Variants in SNX14 observed in about 807,000 individuals in gnomAD.
SNX14 encodes sorting nexin-14.
Under a neutral mutation model 133.8 loss-of-function variants are expected in SNX14, and 93 were observed. That is an observed-to-expected ratio of 0.70 (90% CI 0.59 to 0.83). SNX14 has a LOEUF of 0.83. Among genes scored for constraint, SNX14 ranks in the 40% least tolerant of loss-of-function variants. The pLI is 0.00. For missense variants in SNX14, 945 were observed against 1,094.9 expected (o/e 0.86, Z 1.93); for synonymous variants, 368 against 365.6 (o/e 1.01, Z -0.07).
At position 85,505,827 on chromosome 6, in the gene SNX14, C is replaced by A; in HGVS notation, c.*140G>T. 1 of 640,308 alleles carries A rather than the reference C, an allele frequency of 1.6e-6. No homozygotes were observed. Among genetic ancestry groups the A allele is most frequent in the Non-Finnish European group, 2.7e-6 (1 of 366,346 alleles). 39.7% of individuals were successfully genotyped at this position (640,308 alleles called of 1,614,324 possible). On this transcript the variant is annotated 3_prime_UTR_variant, in exon 29 of 29. Coordinates refer to ENST00000314673, the MANE Select transcript of SNX14 (RefSeq NM_153816.6). ...TTTTAATCATTAAGTTTGTGTTAGT[C>A]TTTATTAAAAACAAAAAATAACTAA...
chr6:85,540,995 AC>A (rs1407183998), intron 15 of SNX14, among the ~76,000 whole-genome samples: 1 of 150,006 alleles, frequency 6.7e-6, no homozygotes, highest in Non-Finnish European at 1.5e-5. Context: ...GAGTTTCTTA[AC>A]TTTTTTTTTT....
intron 1 of SNX14, among the ~76,000 whole-genome samples, chr6:85,590,321 C>T (rs767661543): frequency 2.0e-5 from 3 of 152,196 alleles, no homozygotes; most frequent in Non-Finnish European, 4.4e-5. Context: ...CATTTCTCTT[C>T]CTTACTAATA....
intron 14 of SNX14, among the ~76,000 whole-genome samples, chr6:85,542,689 C>T (rs908146497): frequency 3.9e-5 from 6 of 152,208 alleles, no homozygotes; most frequent in East Asian, 3.8e-4. Flanking sequence ...CCACCACACC[C>T]GGCCTTTGCA....
At chr6:85,514,916 A>G (rs1774263914) in intron 23 of SNX14, among the ~76,000 whole-genome samples, 1 of 152,198 alleles carries the variant, frequency 6.6e-6, no homozygotes, top group South Asian at 2.1e-4. Flanking sequence ...ATACCACAAA[A>G]GCAAAGTAAC....
chr6:85,507,233 C>A lies in SNX14; in HGVS notation c.2802G>T (p.Lys934Asn). The A allele has an allele frequency of 6.2e-7, 1 of 1,609,848 alleles. No homozygotes were observed. Among genetic ancestry groups the A allele is most frequent in the African/African-American group, 1.3e-5 (1 of 74,788 alleles). ...AATAAAATTACTGCTTTTCAGTTAC[C>A]TTATTGAGCTCTGGAAACAGTTCCT... ...VIQELFPELN[K>N]VQKEVTSVTS... is the part of the protein sequence containing the mutation. The change falls in exon 28 of 29, where the codon AAG (lysine) becomes AAT (asparagine). Residue 934 changes from lysine (K) to asparagine (N), a missense_variant and splice_region_variant. Lys to Asn is a moderately conservative substitution (Grantham distance 94). Coordinates refer to ENST00000314673, the MANE Select transcript of SNX14 (RefSeq NM_153816.6).
intron 12 of SNX14, among the ~76,000 whole-genome samples, chr6:85,546,220 A>G (rs1247422751): frequency 1.3e-5 from 2 of 152,246 alleles, no homozygotes; most frequent in Non-Finnish European, 2.9e-5. Flanking sequence ...ATGGAAATAA[A>G]TGTTCTAGAT....
chr6:85,539,330 T>C (rs892206958), intron 15 of SNX14, among the ~76,000 whole-genome samples: 2 of 152,208 alleles, frequency 1.3e-5, no homozygotes, highest in Non-Finnish European at 2.9e-5. Context: ...ACCCATATTT[T>C]CCAACATTAA....
intron 21 of SNX14, among the ~76,000 whole-genome samples, chr6:85,518,443 T>C (rs1459698933): frequency 1.3e-5 from 2 of 152,122 alleles, no homozygotes; most frequent in African/African-American, 4.8e-5. Flanking sequence ...CAAAGGTCAG[T>C]CAAAAAAAAG....
chr6:85,520,564 C>T (rs1348714247), intron 21 of SNX14, among the ~76,000 whole-genome samples: 6 of 151,684 alleles, frequency 4.0e-5, no homozygotes, highest in Non-Finnish European at 8.8e-5. Context: ...CACCATGTTG[C>T]TCACACTGGT....
intron 10 of SNX14, 33 bp downstream of exon 10, chr6:85,547,473 T>C (rs1454927433): frequency 6.2e-7 from 1 of 1,604,720 alleles, no homozygotes. Context: ...TTCAATGCAA[T>C]CTGAAGTGTT....
intron 6 of SNX14, among the ~76,000 whole-genome samples, chr6:85,564,251 G>C (rs953506179): frequency 6.6e-6 from 1 of 152,162 alleles, no homozygotes; most frequent in Non-Finnish European, 1.5e-5. Flanking sequence ...TGTGTCTTTA[G>C]AGCAGCATGA....
chr6:85,535,385 G>A (rs1273966907), intron 17 of SNX14, among the ~76,000 whole-genome samples: 3 of 151,712 alleles, frequency 2.0e-5, no homozygotes, highest in African/African-American at 7.3e-5. Flanking sequence ...GACTACAGGT[G>A]GGTGGATCAC....
At chr6:85,567,990 C>T (rs545246499) in intron 4 of SNX14, 1 of 150,646 alleles carries the variant, frequency 6.6e-6, no homozygotes, top group Non-Finnish European at 1.5e-5. Context: ...CTCAAAAAAA[C>T]AAAAAACAAA....
At chr6:85,518,172 G>T in intron 21 of SNX14, 124 bp from the exon 22 acceptor site, 1 of 734,644 alleles carries the variant, frequency 1.4e-6, no homozygotes, top group Non-Finnish European at 2.2e-6. Context: ...AAGTATTTAT[G>T]ATTGACCATT....
chr6:85,507,558 GA>G (rs1333653311), intron 27 of SNX14, among the ~76,000 whole-genome samples: 2 of 151,872 alleles, frequency 1.3e-5, no homozygotes, highest in Non-Finnish European at 2.9e-5. Flanking sequence ...TGAATTTTTA[GA>G]AAAACAAGAA....
intron 28 of SNX14, among the ~76,000 whole-genome samples, 190 bp from the exon 29 acceptor site, chr6:85,506,195 C>T (rs1770585278): frequency 6.6e-6 from 1 of 152,130 alleles, no homozygotes; most frequent in African/African-American, 2.4e-5. Context: ...TTAATGACAG[C>T]TCTGTTATGA....
chr6:85,510,512 G>C (rs1362378565), intron 26 of SNX14, among the ~76,000 whole-genome samples: 1 of 152,094 alleles, frequency 6.6e-6, no homozygotes, highest in East Asian at 1.9e-4. Flanking sequence ...TACATTTTTG[G>C]TAACAGTCCT....
intron 7 of SNX14, among the ~76,000 whole-genome samples, chr6:85,554,783 T>G (rs188821882): frequency 1.3e-5 from 2 of 152,256 alleles, no homozygotes; most frequent in East Asian, 1.9e-4. Context: ...ATGATAAATT[T>G]TAATCAAATT....
intron 23 of SNX14, among the ~76,000 whole-genome samples, chr6:85,515,615 GAGAACAA>G (rs1774698991): frequency 6.6e-6 from 1 of 152,094 alleles, no homozygotes; most frequent in African/African-American, 2.4e-5. Flanking sequence ...AAAGTATCCT[GAGAACAA>G]AGACCATATA....
Sources: allele counts gnomAD v4.1 joint callset (sites outside exome capture counted in the v4.1 genomes callset), GRCh38; gene constraint gnomAD v4.1.1; transcripts MANE v1.5; gene names NCBI Gene and HGNC (gene_info 2026-07-23, HGNC 2026-07-21).